SHISA9: variants seen among roughly 807,000 people sequenced by gnomAD.
The protein encoded by SHISA9 is shisa family member 9.
A neutral mutation model predicts 38.0 loss-of-function variants in SHISA9; 13 were observed. The observed-to-expected ratio is 0.34, with a 90% confidence interval of 0.22 to 0.54. SHISA9 has a LOEUF of 0.54. Among genes scored for constraint, SHISA9 ranks in the 20% least tolerant of loss-of-function variants. SHISA9 has a pLI of 0.91. For synonymous variants in SHISA9, 275 were observed against 242.0 expected, an observed-to-expected ratio of 1.14 and a Z score of -1.27; for missense variants, 538 against 575.8, an observed-to-expected ratio of 0.93 and a Z score of 0.67.
At chr16:13,256,428 C>A in the SHISA9 span, among the ~76,000 whole-genome samples, 1 of 152,178 alleles carries the variant, frequency 6.6e-6, no homozygotes, top group Non-Finnish European at 1.5e-5. Context: ...ATTACAGGCA[C>A]GGGCCACCAT....
the SHISA9 span, among the ~76,000 whole-genome samples, chr16:13,456,912 C>G: frequency 1.9e-5 from 2 of 104,602 alleles, no homozygotes; most frequent in African/African-American, 6.0e-5. Context: ...AAGGATAACA[C>G]AAAACTTCAG....
At chr16:12,918,520 G>T (rs2071287237) in intron 2 of SHISA9, among the ~76,000 whole-genome samples, 1 of 152,168 alleles carries the variant, frequency 6.6e-6, no homozygotes, top group African/African-American at 2.4e-5. Flanking sequence ...CATCAGGTGG[G>T]CGGGAAACCT....
At chr16:12,962,448 A>AC (rs757315011) in intron 2 of SHISA9, among the ~76,000 whole-genome samples, 1 of 152,300 alleles carries the variant, frequency 6.6e-6, no homozygotes. Context: ...TGGAACTCTA[A>AC]CCCCCAATAT....
intron 2 of SHISA9, among the ~76,000 whole-genome samples, chr16:13,197,176 G>A (rs1178631442): frequency 3.3e-5 from 5 of 149,660 alleles, no homozygotes. Context: ...GAGAGAGAGA[G>A]AGAGATAACA....
At chr16:13,275,537 G>A in the SHISA9 span, among the ~76,000 whole-genome samples, 2 of 152,044 alleles carry the variant, frequency 1.3e-5, no homozygotes, top group Non-Finnish European at 2.9e-5. Flanking sequence ...GAGTACATTT[G>A]GTGTGTAATT....
At chr16:13,364,620 A>G in the SHISA9 span, among the ~76,000 whole-genome samples, 2 of 152,236 alleles carry the variant, frequency 1.3e-5, no homozygotes, top group Non-Finnish European at 2.9e-5. Context: ...AGAAAATTCA[A>G]TGATAGGAGG....
At chr16:13,128,918 C>T (rs1257130044) in intron 2 of SHISA9, among the ~76,000 whole-genome samples, 1 of 152,182 alleles carries the variant, frequency 6.6e-6, no homozygotes, top group East Asian at 1.9e-4. Flanking sequence ...ATGTGCAAAT[C>T]CACCTCTGTG....
chr16:13,048,853 A>T (rs1249060664), intron 2 of SHISA9, among the ~76,000 whole-genome samples: 1 of 152,248 alleles, frequency 6.6e-6, no homozygotes, highest in Non-Finnish European at 1.5e-5. Flanking sequence ...CTGCTTGAAT[A>T]TGTGAGGGAT....
At chr16:13,126,575 G>C (rs2050258569) in intron 2 of SHISA9, among the ~76,000 whole-genome samples, 1 of 136,006 alleles carries the variant, frequency 7.4e-6, no homozygotes, top group South Asian at 2.4e-4. Flanking sequence ...GGGAGAGAAA[G>C]GGGGAAAGAG....
the SHISA9 span, among the ~76,000 whole-genome samples, chr16:13,277,575 G>A: frequency 1.3e-5 from 2 of 151,960 alleles, no homozygotes; most frequent in East Asian, 3.9e-4. Flanking sequence ...CTATTTGTTT[G>A]TATCATCTAT....
rs555384737 is a variant in SHISA9 at position 13,214,200 on chromosome 16, T to C, written c.895+900T>C. ...AAGGAGGTGGAGGTAGAACTATTTA[T>C]CTATTTATTTATTTATGAGACAGAG... On this transcript the variant is annotated intron_variant, in intron 4 of 4. Coordinates refer to ENST00000558583, the MANE Select transcript of SHISA9 (RefSeq NM_001145204.3). Among the ~76,000 whole-genome samples the C allele has an allele frequency of 2.3e-4, 35 of 152,228 alleles. 2 individuals carry two copies. Among genetic ancestry groups the C allele is most frequent in the Middle Eastern group, 6.8e-3 (2 of 294 alleles).
chr16:13,220,705 G>A (rs752655549), intron 4 of SHISA9, among the ~76,000 whole-genome samples: 1 of 152,238 alleles, frequency 6.6e-6, no homozygotes, highest in Non-Finnish European at 1.5e-5. Context: ...CAATGCACAG[G>A]AAGGCAGTGA....
chr16:13,204,786 A>C (rs1282577903), intron 3 of SHISA9: 2 of 152,224 alleles, frequency 1.3e-5, no homozygotes, highest in Non-Finnish European at 2.9e-5. Flanking sequence ...TGAGACTCTA[A>C]GAGGCTAATA....
At chr16:12,917,352 A>T (rs1243655685) in intron 2 of SHISA9, among the ~76,000 whole-genome samples, 3 of 152,166 alleles carry the variant, frequency 2.0e-5, no homozygotes, top group African/African-American at 7.2e-5. Flanking sequence ...TTCCGTGTGT[A>T]GGGGGTGCAG....
At chr16:13,243,173 G>A (rs1228722422), downstream of SHISA9, among the ~76,000 whole-genome samples, 1 of 151,970 alleles carries the variant, frequency 6.6e-6, no homozygotes, top group African/African-American at 2.4e-5. Context: ...CTGGGAGGCA[G>A]AGTTTGCAGT....
chr16:13,213,099 C>T (rs1010559421), intron 3 of SHISA9, among the ~76,000 whole-genome samples, 154 bp from the exon 4 acceptor site: 4 of 152,306 alleles, frequency 2.6e-5, no homozygotes, highest in Non-Finnish European at 2.9e-5. Context: ...CATTTTCACA[C>T]GTGGCTCCCT....
At chr16:13,008,675 C>CTCCCTCTCTCCT (rs1567179977) in intron 2 of SHISA9, among the ~76,000 whole-genome samples, 6 of 125,110 alleles carry the variant, frequency 4.8e-5, no homozygotes, top group African/African-American at 2.0e-4. Context: ...TCCTCCCTCC[C>CTCCCTCTCTCCT]TCCCTCTCTC....
the SHISA9 span, among the ~76,000 whole-genome samples, chr16:13,524,813 T>C: frequency 6.6e-6 from 1 of 152,086 alleles, no homozygotes; most frequent in Non-Finnish European, 1.5e-5. Flanking sequence ...GCAATTCTCC[T>C]ACCTTGGCCT....
chr16:13,145,140 T>C (rs570257759), intron 2 of SHISA9, among the ~76,000 whole-genome samples: 1 of 152,316 alleles, frequency 6.6e-6, no homozygotes, highest in African/African-American at 2.4e-5. Context: ...CAGAGGATTC[T>C]CAGCATCTCC....
Sources: allele counts gnomAD v4.1 joint callset (sites outside exome capture counted in the v4.1 genomes callset), GRCh38; gene constraint gnomAD v4.1.1; transcripts MANE v1.5; gene names NCBI Gene and HGNC (gene_info 2026-07-23, HGNC 2026-07-21).